GPR89A: variants seen among roughly 807,000 people sequenced by gnomAD.
The protein encoded by GPR89A is G protein-coupled receptor 89A.
In GPR89A, 16 loss-of-function variants were observed where a neutral mutation model predicts 52.0. The ratio of observed to expected loss-of-function variants is 0.31; its 90% CI spans 0.21 to 0.47. GPR89A has a LOEUF of 0.47. Ranked by LOEUF, GPR89A falls within the 20% of genes least tolerant of loss-of-function variation. GPR89A has a pLI of 1.00. For synonymous variants in GPR89A, 55 were observed against 150.9 expected, an observed-to-expected ratio of 0.36 and a Z score of 4.66; for missense variants, 135 against 449.4, an observed-to-expected ratio of 0.30 and a Z score of 6.33.
At chr1:145,608,239 C>G (rs1394590806) in intron 1 of GPR89A, 64 bp downstream of exon 1, 1 of 1,600,872 alleles carries the variant, frequency 6.2e-7, no homozygotes. Context: ...CCTCTCCGGT[C>G]CTCCGCGGTG....
Position 145,630,792 on chromosome 1 carries a change from T to TGTAA in GPR89A, c.523_524insAAGT (p.Ser175Ter). ...GCTGTCAACTGCCCATACACTTACA[T>TGTAA]GTCTTACTTCCTCAGGTAACAGAGC... On this transcript the variant is annotated stop_gained and frameshift_variant, in exon 6 of 14. Coordinates refer to ENST00000313835, the MANE Select transcript of GPR89A (RefSeq NM_001097612.2). LOFTEE classifies it high-confidence loss of function. 3.9e-6 allele frequency: 2 copies of TGTAA among 507,158 alleles called. No individual in the cohort carries two copies. 31.4% of individuals were successfully genotyped at this position (507,158 alleles called of 1,614,324 possible). A position where few individuals can be genotyped will look rare whatever the true frequency, so the allele number is the denominator to read the frequency against.
Position 145,641,571 on chromosome 1 carries a change from A to G in GPR89A, c.618-2298A>G, listed in dbSNP as rs587772287. ...AATTATTTCAAAAAGTTTAACTAAA[A>G]AAAAGTAATGGCTGACTTCCTACTA... On this transcript the variant is annotated intron_variant, in intron 7 of 13. Coordinates refer to ENST00000313835, the MANE Select transcript of GPR89A (RefSeq NM_001097612.2). 6.1e-3 allele frequency among the ~76,000 whole-genome samples: 932 copies of G among 152,000 alleles called. 3 individuals are homozygous for G. Among genetic ancestry groups the G allele is most frequent in the Middle Eastern group, 0.031 (9 of 294 alleles).
intron 1 of GPR89A, among the ~76,000 whole-genome samples, chr1:145,610,643 T>C (rs1452622252): frequency 1.3e-5 from 2 of 152,182 alleles, no homozygotes; most frequent in African/African-American, 4.8e-5. Context: ...ACCACATTGT[T>C]TGGTAATTAC....
At chr1:145,662,958 A>G (rs1652304358) in intron 10 of GPR89A, among the ~76,000 whole-genome samples, 1 of 151,632 alleles carries the variant, frequency 6.6e-6, no homozygotes, top group Admixed American at 6.6e-5. Flanking sequence ...TTATTTTAGT[A>G]TTTGCTGTTA....
intron 7 of GPR89A, among the ~76,000 whole-genome samples, chr1:145,642,588 T>A (rs1462165342): frequency 6.6e-6 from 1 of 152,224 alleles, no homozygotes; most frequent in Non-Finnish European, 1.5e-5. Flanking sequence ...CTCAAAAAAT[T>A]TCACCCATAG....
intron 3 of GPR89A, among the ~76,000 whole-genome samples, chr1:145,619,407 C>G (rs1648954129): frequency 1.3e-5 from 2 of 148,550 alleles, no homozygotes; most frequent in South Asian, 4.3e-4. Context: ...TGCAGGGGTT[C>G]AAGACGAGCC....
chr1:145,643,275 C>T, intron 7 of GPR89A, among the ~76,000 whole-genome samples: 1 of 151,598 alleles, frequency 6.6e-6, no homozygotes, highest in East Asian at 2.0e-4. Flanking sequence ...AAGCGATTCT[C>T]CTGCCTCAGC....
In GPR89A at chr1:145,614,838, A is replaced by C. The variant is rs587683163; in HGVS notation, c.43-1396A>C. 6.8e-3 allele frequency among the ~76,000 whole-genome samples: 1,032 copies of C among 152,210 alleles called. 4 individuals carry two copies. Among genetic ancestry groups the C allele is most frequent in the South Asian group, 0.031 (151 of 4,820 alleles). ...GAAGTTCCTTTCAGAGGACATCTAC[A>C]CAGGTCTCGATGTGAAAGAATATGG... On this transcript the variant is annotated intron_variant, in intron 1 of 13. Coordinates refer to ENST00000313835, the MANE Select transcript of GPR89A (RefSeq NM_001097612.2).
intron 7 of GPR89A, among the ~76,000 whole-genome samples, chr1:145,641,847 C>T (rs1553691777): frequency 6.6e-6 from 1 of 151,694 alleles, no homozygotes; most frequent in African/African-American, 2.4e-5. Context: ...TCTATAGTAC[C>T]TCATATGGTT....
chr1:145,623,263 C>T (rs1351395276), intron 4 of GPR89A, 103 bp downstream of exon 4: 4 of 743,202 alleles, frequency 5.4e-6, no homozygotes, highest in South Asian at 2.2e-5. Flanking sequence ...CAGTATCTAC[C>T]GCTATTTGAG....
intron 1 of GPR89A, among the ~76,000 whole-genome samples, chr1:145,609,995 C>T (rs1199742580): frequency 6.6e-6 from 1 of 152,086 alleles, no homozygotes; most frequent in Non-Finnish European, 1.5e-5. Context: ...GTTTTATTTT[C>T]TTCTTGGCAT....
chr1:145,662,459 T>C (rs1208804146), intron 10 of GPR89A, among the ~76,000 whole-genome samples: 1 of 152,026 alleles, frequency 6.6e-6, no homozygotes, highest in African/African-American at 2.4e-5. Flanking sequence ...CCTTTTACTT[T>C]TAACCTATTT....
chr1:145,614,409 G>C (rs1445717590), intron 1 of GPR89A, among the ~76,000 whole-genome samples: 1 of 152,032 alleles, frequency 6.6e-6, no homozygotes, highest in Non-Finnish European at 1.5e-5. Context: ...AGCTCCTAGA[G>C]GGTAGTAACC....
chr1:145,646,846 C>CAGTA (rs1651028950), intron 9 of GPR89A: 1 of 325,436 alleles, frequency 3.1e-6, no homozygotes, highest in African/African-American at 2.2e-5. Context: ...AAACCTGAGC[C>CAGTA]TACTCACCAG....
chr1:145,648,825 C>T lies in GPR89A; in HGVS notation c.909+1558C>T, dbSNP rs782009190. Among the ~76,000 whole-genome samples the T allele has an allele frequency of 1.2e-3, 69 of 57,676 alleles. 1 individual carries two copies. Among genetic ancestry groups the T allele is most frequent in the Admixed American group, 8.9e-3 (34 of 3,808 alleles). The allele number at this position is 57,676 out of a possible 152,430, so 37.8% of individuals were successfully genotyped here. ...TTTTTTTTTTTTTTTTTGTTGAAGA[C>T]GGAGTCTCTCTCTGTCTCCCAGGCT... On this transcript the variant is annotated intron_variant, in intron 10 of 13. Coordinates refer to ENST00000313835, the MANE Select transcript of GPR89A (RefSeq NM_001097612.2).
rs1256102621 is a variant in GPR89A at position 145,623,630 on chromosome 1, C to CT, written c.337dup (p.Ser113PhefsTer71). On this transcript the variant is annotated frameshift_variant, in exon 5 of 14. Coordinates refer to ENST00000313835, the MANE Select transcript of GPR89A (RefSeq NM_001097612.2). LOFTEE classifies it high-confidence loss of function. ...TGTCTCAGTGCATAAACAACGACTGCTTTTTTCCTGTCTCTTATGGCTGAC... is the reference window on the plus strand; with the variant it reads ...TGTCTCAGTGCATAAACAACGACTGCTTTTTTTCCTGTCTCTTATGGCTGAC... 6 of 1,560,852 alleles carry CT rather than the reference C, an allele frequency of 3.8e-6. No homozygotes were observed. Among genetic ancestry groups the CT allele is most frequent in the Non-Finnish European group, 5.2e-6 (6 of 1,153,512 alleles).
At chr1:145,647,969 CTG>C (rs2101811056) in intron 10 of GPR89A, among the ~76,000 whole-genome samples, 1 of 137,972 alleles carries the variant, frequency 7.2e-6, no homozygotes, top group Non-Finnish European at 1.5e-5. Flanking sequence ...GAGTACATAA[CTG>C]TATATATAAC....
At chr1:145,647,847 C>T (rs1314978756) in intron 10 of GPR89A, among the ~76,000 whole-genome samples, 1 of 19,038 alleles carries the variant, frequency 5.3e-5, no homozygotes, top group Non-Finnish European at 8.1e-5. Context: ...TCTCTCTCCT[C>T]CTCCTCTCTC....
At chr1:145,652,841 C>T (rs1553693763) in intron 10 of GPR89A, among the ~76,000 whole-genome samples, 1 of 148,290 alleles carries the variant, frequency 6.7e-6, no homozygotes, top group African/African-American at 2.6e-5. Context: ...GTGATGTCCC[C>T]TTTATCATTT....
Sources: allele counts gnomAD v4.1 joint callset (sites outside exome capture counted in the v4.1 genomes callset), GRCh38; gene constraint gnomAD v4.1.1; transcripts MANE v1.5; gene names NCBI Gene and HGNC (gene_info 2026-07-23, HGNC 2026-07-21).